NLRP12: variants seen among roughly 807,000 people sequenced by gnomAD.
The protein encoded by NLRP12 is NLR family pyrin domain containing 12, also known as NACHT, LRR and PYD domains-containing protein 12.
A neutral mutation model predicts 91.2 loss-of-function variants in NLRP12; 108 were observed. The observed-to-expected ratio is 1.18, with a 90% CI of 1.01 to 1.39. The LOEUF is 1.39. NLRP12 is among the 40% of genes most tolerant of loss of function. The probability of loss-of-function intolerance (pLI) is 0.00; values close to 1 mark genes in which losing one functional copy is unlikely to be tolerated. For missense variants in NLRP12, 1,530 were observed against 1,352.7 expected (o/e 1.13, Z -2.06); for synonymous variants, 613 against 566.7 (o/e 1.08, Z -1.16).
chr19:53,798,426 G>A lies in NLRP12; in HGVS notation c.2757-13C>T, dbSNP rs374833199. On this transcript the variant is annotated splice_polypyrimidine_tract_variant and intron_variant, in intron 7 of 9. Coordinates refer to ENST00000324134, the MANE Select transcript of NLRP12 (RefSeq NM_144687.4). ...GCAGATGCCCAACCTGCAAAGACAGGATGCTAGGGCGGAGTGGGAGGCATT... is the reference window on the plus strand; with the variant it reads ...GCAGATGCCCAACCTGCAAAGACAGAATGCTAGGGCGGAGTGGGAGGCATT... 20 of 1,612,930 alleles carry A rather than the reference G, an allele frequency of 1.2e-5. No homozygotes were observed. In the African/African-American group the frequency reaches 2.4e-4, roughly 19 times the overall value.
intron 2 of NLRP12, 149 bp downstream of exon 2, chr19:53,814,759 G>A (rs2092130966): frequency 5.5e-6 from 4 of 725,662 alleles, no homozygotes; most frequent in Admixed American, 2.0e-5. Flanking sequence ...AGGTTGATGA[G>A]TTGAAACACA....
At chr19:53,819,457 A>ATATGTGTGTGTG (rs2092220405) in intron 1 of NLRP12, among the ~76,000 whole-genome samples, 1 of 4,600 alleles carries the variant, frequency 2.2e-4, no homozygotes, top group Non-Finnish European at 4.1e-4. Flanking sequence ...ATATATATAT[A>ATATGTGTGTGTG]TGTGTGTGTG....
intron 4 of NLRP12, 24 bp from the exon 5 acceptor site, chr19:53,805,474 G>T: frequency 1.2e-6 from 2 of 1,612,726 alleles, no homozygotes; most frequent in Non-Finnish European, 1.7e-6. Context: ...GAGGAGAAAG[G>T]AGCTGGTCAT....
intron 4 of NLRP12, 120 bp downstream of exon 4, chr19:53,807,375 A>G: frequency 9.7e-7 from 1 of 1,030,032 alleles, no homozygotes; most frequent in South Asian, 1.5e-5. Context: ...GCTTTGTGAC[A>G]CTTTTTTATG....
chr19:53,820,987 G>A (rs1460310134), intron 1 of NLRP12, among the ~76,000 whole-genome samples: 1 of 146,072 alleles, frequency 6.8e-6, no homozygotes, highest in South Asian at 2.2e-4. Flanking sequence ...CACTTTGCAT[G>A]TATTATCTCT....
intron 4 of NLRP12, 124 bp from the exon 5 acceptor site, chr19:53,805,574 G>T: frequency 8.9e-7 from 1 of 1,127,770 alleles, no homozygotes; most frequent in Non-Finnish European, 1.3e-6. Flanking sequence ...CTGGAGAGCA[G>T]TGGCATGATT....
At chr19:53,811,513 CA>C (rs1280655130) in intron 2 of NLRP12, among the ~76,000 whole-genome samples, 6 of 149,792 alleles carry the variant, frequency 4.0e-5, no homozygotes, top group South Asian at 2.1e-4. Flanking sequence ...GACTCCATCT[CA>C]AAAAAAAATT....
At chr19:53,805,532 T>TTC (rs1600695091) in intron 4 of NLRP12, 82 bp from the exon 5 acceptor site, 1 of 1,524,956 alleles carries the variant, frequency 6.6e-7, no homozygotes, top group East Asian at 2.3e-5. Flanking sequence ...TTTTTTTTTT[T>TTC]TTTCTGAGAC....
At chr19:53,819,238 CT>C (rs1354822337) in intron 1 of NLRP12, among the ~76,000 whole-genome samples, 3 of 150,714 alleles carry the variant, frequency 2.0e-5, no homozygotes, top group Non-Finnish European at 4.4e-5. Flanking sequence ...TAAATTGATA[CT>C]TTTTTCTTTC....
At position 53,823,923 on chromosome 19, in the gene NLRP12, G is replaced by A; in HGVS notation, c.252C>T (p.Asp84=). The change falls in exon 1 of 10, where the codon GAC becomes GAT. Residue 84 remains aspartate, a synonymous_variant. Transcript: ENST00000324134. ...LSTFERINRK[D]LWERGQREDL... The stretch of plus-strand genomic sequence containing the variant: ...CCTCTCTCTGTCCTCTCTCCCACAG[G>A]TCCTTCCTGTTTATCCGCTCAAAGG... The A allele has an allele frequency of 6.2e-7, 1 of 1,613,960 alleles. No individual in the cohort carries two copies. Among genetic ancestry groups the A allele is most frequent in the Non-Finnish European group, 8.5e-7 (1 of 1,180,008 alleles).
chr19:53,801,808 A>C (rs1222487171), intron 6 of NLRP12, among the ~76,000 whole-genome samples: 1 of 151,482 alleles, frequency 6.6e-6, no homozygotes, highest in East Asian at 2.0e-4. Flanking sequence ...AAATGGGCAA[A>C]AGGGCCCGGC....
In NLRP12 at chr19:53,804,142, T is replaced by C. The variant is rs1432095321; in HGVS notation, c.2415-20A>G. 2 of 1,613,372 alleles carry C rather than the reference T, an allele frequency of 1.2e-6. No homozygotes were observed. Among genetic ancestry groups the C allele is most frequent in the South Asian group, 2.2e-5 (2 of 91,056 alleles). ...CTCAACCTTGGGAGGAAGGAGAGGT[T>C]GAAGGGGACGCCATCTTGCTTTTCT... On this transcript the variant is annotated intron_variant, in intron 5 of 9. Coordinates refer to ENST00000324134, the MANE Select transcript of NLRP12 (RefSeq NM_144687.4).
intron 4 of NLRP12, 22 bp downstream of exon 4, chr19:53,807,473 G>A (rs760387599): frequency 9.9e-6 from 16 of 1,609,758 alleles, no homozygotes; most frequent in African/African-American, 4.0e-5. Flanking sequence ...CACCTGAAAC[G>A]CCCAGACCAG....
Position 53,805,437 on chromosome 19 carries a change from G to C in NLRP12, c.2257C>G (p.Arg753Gly), listed in dbSNP as rs781218927. 8 of 1,613,932 alleles carry C rather than the reference G, an allele frequency of 5.0e-6. No homozygotes were observed. The highest frequency in any genetic ancestry group is 1.3e-5 in the African/African-American group (1 of 74,982). ...KLQNLRLKRC[R>G]ISSSACEDLS... ...TCCTCGCAGGCTGAGCTGGAGATGC[G>C]GCACCTCTTCAGCCTGGGGTGGAAA... The change falls in exon 5 of 10, where the codon CGC becomes GGC. Residue 753 changes from arginine to glycine, a missense_variant. Physicochemically the swap from Arg to Gly is moderately radical, Grantham distance 125 (BLOSUM62 -2). Transcript: ENST00000324134.
Position 53,807,551 on chromosome 19 carries a change from C to G in NLRP12, c.2187G>C (p.Gly729=), listed in dbSNP as rs759367681. 1 of 1,614,118 alleles carries G rather than the reference C, an allele frequency of 6.2e-7. No individual in the cohort carries two copies. The highest frequency in any genetic ancestry group is 8.5e-7 in the Non-Finnish European group (1 of 1,180,016). ...TGAGTCCTTGACAGAGCAGCTTCAC[C>G]CCCCGGCTGCCCAGGGCATTTCGGT... is the stretch of plus-strand genomic sequence containing the variant. The part of the protein sequence containing the change: ...SLYRNALGSR[G]VKLLCQGLRH... Residue 729 remains glycine (G), a synonymous_variant, in exon 4 of 10, where the codon GGG becomes GGC. Transcript: ENST00000324134.
In NLRP12 at chr19:53,822,736, T is replaced by TAAA. The variant is rs35709423; in HGVS notation, c.289+1147_289+1149dup. 2.0e-3 allele frequency among the ~76,000 whole-genome samples: 246 copies of TAAA among 120,532 alleles called. 1 individual carries two copies. The highest frequency in any genetic ancestry group is 3.0e-3 in the Non-Finnish European group (181 of 60,196). The allele number at this position is 120,532 out of a possible 152,430, so 79.1% of individuals were successfully genotyped here. A position where few individuals can be genotyped will look rare whatever the true frequency, so the allele number is the denominator to read the frequency against. ...TGGGCAACAGAGCGAGACTCAGTCT[T>TAAA]AAAAAAAAAAAAAAAAAAGGATACC... On this transcript the variant is annotated intron_variant, in intron 1 of 9. Coordinates refer to ENST00000324134, the MANE Select transcript of NLRP12 (RefSeq NM_144687.4).
intron 1 of NLRP12, among the ~76,000 whole-genome samples, chr19:53,819,254 CTTTTT>C (rs1170866330): frequency 6.7e-6 from 1 of 150,278 alleles, no homozygotes; most frequent in Non-Finnish European, 1.5e-5. Context: ...TCTTTCTTTT[CTTTTT>C]TTGAGATGGA....
At position 53,801,265 on chromosome 19, in the gene NLRP12, C is replaced by A. The variant is rs765144536; in HGVS notation, c.2718G>T (p.Glu906Asp). Residue 906 changes from glutamate (E) to aspartate (D), a missense_variant, in exon 7 of 10, where the codon GAG becomes GAT. Coordinates refer to ENST00000324134, the MANE Select transcript of NLRP12 (RefSeq NM_144687.4). Reference protein sequence around the residue: ...LGDLGVLLLCEGLRHPTCKLQ... With the variant: ...LGDLGVLLLCDGLRHPTCKLQ... Reference sequence around the variant, plus strand: ...GCTTGCACGTGGGATGCCTGAGGCCCTCACACAGCAGCAGCACCCCGAGGT... The same window carrying A: ...GCTTGCACGTGGGATGCCTGAGGCCATCACACAGCAGCAGCACCCCGAGGT... 6.2e-7 allele frequency: 1 copy of A among 1,613,862 alleles called. No homozygotes were observed. Among genetic ancestry groups the A allele is most frequent in the Admixed American group, 1.7e-5 (1 of 59,938 alleles).
chr19:53,811,023 G>A lies in NLRP12; in HGVS notation c.636C>T (p.Thr212=), dbSNP rs542556629. 5.6e-6 allele frequency: 9 copies of A among 1,613,152 alleles called. No homozygotes were observed. The highest frequency in any genetic ancestry group is 1.1e-5 in the South Asian group (1 of 91,082). The change falls in exon 3 of 10, where the codon ACC becomes ACT. Residue 212 remains threonine (T), a synonymous_variant. Transcript: ENST00000324134. ...TCCCTGCCGCGCCTTGCATGACCAC[G>A]GTGCGCGGTGGCTCGGGGCGCTCCT... ...PDEERPEPPR[T]VVMQGAAGIG...
Sources: allele counts gnomAD v4.1 joint callset (sites outside exome capture counted in the v4.1 genomes callset), GRCh38; gene constraint gnomAD v4.1.1; transcripts MANE v1.5; gene names NCBI Gene and HGNC (gene_info 2026-07-23, HGNC 2026-07-21).